KIAA1958: variants seen among roughly 807,000 people sequenced by gnomAD.
The protein encoded by KIAA1958 is uncharacterized protein KIAA1958.
Under a neutral mutation model 47.2 loss-of-function variants are expected in KIAA1958, and 14 were observed. That is an observed-to-expected ratio of 0.30 (90% CI 0.20 to 0.46). The LOEUF (loss-of-function observed/expected upper bound fraction) is 0.46, where lower values mean the gene tolerates loss of function less well. Ranked by LOEUF, KIAA1958 falls within the 20% of genes least tolerant of loss-of-function variation. The pLI, the probability that KIAA1958 is intolerant of heterozygous loss-of-function variation, is 1.00. For missense variants in KIAA1958, 803 were observed against 909.2 expected, an observed-to-expected ratio of 0.88 and a Z score of 1.50; for synonymous variants, 354 against 353.3, an observed-to-expected ratio of 1.00 and a Z score of -0.02.
chr9:112,506,490 GT>G (rs1326588684), intron 1 of KIAA1958, among the ~76,000 whole-genome samples: 1 of 152,028 alleles, frequency 6.6e-6, no homozygotes, highest in African/African-American at 2.4e-5. Flanking sequence ...ATGTTAGAAT[GT>G]TTTTTCTTCA....
At chr9:112,656,099 C>T (rs1837145791) in intron 3 of KIAA1958, among the ~76,000 whole-genome samples, 1 of 151,898 alleles carries the variant, frequency 6.6e-6, no homozygotes, top group African/African-American at 2.4e-5. Context: ...TTAGCTGGGT[C>T]CAGTGGCTCA....
At chr9:112,650,993 A>G (rs914958930) in intron 3 of KIAA1958, among the ~76,000 whole-genome samples, 13 of 152,348 alleles carry the variant, frequency 8.5e-5, no homozygotes, top group South Asian at 4.1e-4. Context: ...CATGAAGATC[A>G]TGTGTATACA....
At chr9:112,526,422 T>G (rs1227633074) in intron 1 of KIAA1958, among the ~76,000 whole-genome samples, 1 of 151,790 alleles carries the variant, frequency 6.6e-6, no homozygotes, top group East Asian at 1.9e-4. Flanking sequence ...CCCAGCTAAT[T>G]TTTGTATTTT....
chr9:112,574,811 C>A lies in KIAA1958; in HGVS notation c.731C>A (p.Pro244His), dbSNP rs756259408. 1.9e-6 allele frequency: 3 copies of A among 1,614,050 alleles called. No individual in the cohort carries two copies. The African/African-American group carries it at 4.0e-5, about 22-fold the overall frequency. The change falls in exon 2 of 4, where the codon CCC (proline) becomes CAC (histidine). Residue 244 changes from proline (P) to histidine (H), a missense_variant. Physicochemically the swap from Pro to His is moderately conservative, Grantham distance 77 (BLOSUM62 -2). Transcript: ENST00000337530. ...AKPKPQTHAG[P>H]SCVGSAKLIP... ...CCCAAGCCTCAGACTCACGCTGGTCCCTCCTGTGTAGGGTCTGCTAAACTG... is the reference window on the plus strand; with the variant it reads ...CCCAAGCCTCAGACTCACGCTGGTCACTCCTGTGTAGGGTCTGCTAAACTG...
At chr9:112,580,624 T>G (rs1441144840) in intron 2 of KIAA1958, among the ~76,000 whole-genome samples, 2 of 152,080 alleles carry the variant, frequency 1.3e-5, no homozygotes, top group Admixed American at 1.3e-4. Context: ...CCATCTCTTC[T>G]GAAAATACAA....
chr9:112,627,701 C>G (rs1266295363), intron 2 of KIAA1958, among the ~76,000 whole-genome samples: 1 of 152,224 alleles, frequency 6.6e-6, no homozygotes, highest in Non-Finnish European at 1.5e-5. Flanking sequence ...TTGTAGTGAT[C>G]TGAGATCACA....
chr9:112,518,409 C>T (rs1247416476), intron 1 of KIAA1958, among the ~76,000 whole-genome samples: 4 of 152,130 alleles, frequency 2.6e-5, no homozygotes, highest in Non-Finnish European at 5.9e-5. Flanking sequence ...TTGATACACC[C>T]AACAATATAG....
chr9:112,570,088 G>A (rs939280171), intron 1 of KIAA1958, among the ~76,000 whole-genome samples: 1 of 152,206 alleles, frequency 6.6e-6, no homozygotes, highest in Non-Finnish European at 1.5e-5. Flanking sequence ...TGAAGCATGT[G>A]CTAGTTCTTC....
intron 2 of KIAA1958, chr9:112,619,184 G>A (rs1018462106): frequency 5.5e-6 from 1 of 180,802 alleles, no homozygotes; most frequent in African/African-American, 2.4e-5. Context: ...GTGGTTCTCA[G>A]GCAACACAAA....
At chr9:112,543,056 A>G (rs888474652) in intron 1 of KIAA1958, among the ~76,000 whole-genome samples, 3 of 152,210 alleles carry the variant, frequency 2.0e-5, no homozygotes, top group Non-Finnish European at 4.4e-5. Context: ...CAGAAAAGAA[A>G]TTCTGAGGCT....
intron 2 of KIAA1958, among the ~76,000 whole-genome samples, chr9:112,621,956 G>A (rs922024629): frequency 6.6e-6 from 1 of 152,056 alleles, no homozygotes; most frequent in African/African-American, 2.4e-5. Flanking sequence ...TGCCCAGGCT[G>A]GTCTCGAACT....
intron 1 of KIAA1958, among the ~76,000 whole-genome samples, chr9:112,507,448 A>C (rs1834251200): frequency 1.3e-5 from 2 of 152,186 alleles, no homozygotes; most frequent in Non-Finnish European, 2.9e-5. Flanking sequence ...TCCTGGGCTC[A>C]AGTTATTCTT....
intron 3 of KIAA1958, among the ~76,000 whole-genome samples, chr9:112,655,343 C>CT (rs1837131379): frequency 6.6e-6 from 1 of 152,160 alleles, no homozygotes; most frequent in Non-Finnish European, 1.5e-5. Flanking sequence ...CGATGCCTCT[C>CT]TGTGTCTTCC....
chr9:112,617,974 G>A, intron 2 of KIAA1958: 1 of 1,550,518 alleles, frequency 6.4e-7, no homozygotes, highest in East Asian at 2.4e-5. Context: ...TCATCTCCAA[G>A]TATCCTTCTG....
chr9:112,563,279 G>A (rs1041281799), intron 1 of KIAA1958, among the ~76,000 whole-genome samples: 1 of 151,874 alleles, frequency 6.6e-6, no homozygotes. Flanking sequence ...CAAGACCTTC[G>A]TGATTGGAAT....
intron 1 of KIAA1958, among the ~76,000 whole-genome samples, chr9:112,489,624 A>C (rs1833928635): frequency 6.6e-6 from 1 of 152,138 alleles, no homozygotes; most frequent in Non-Finnish European, 1.5e-5. Flanking sequence ...AGGAAAGCAT[A>C]TAAATTATTT....
chr9:112,645,156 A>G (rs1836955406), intron 2 of KIAA1958, among the ~76,000 whole-genome samples: 1 of 152,104 alleles, frequency 6.6e-6, no homozygotes, highest in African/African-American at 2.4e-5. Context: ...AAAAAATGCT[A>G]ACACCATTTA....
Position 112,507,893 on chromosome 9 carries a change from G to A in KIAA1958, c.-25+20775G>A, listed in dbSNP as rs540871854. On this transcript the variant is annotated intron_variant, in intron 1 of 3. Transcript: ENST00000337530. The stretch of plus-strand genomic sequence containing the variant: ...AGCAGTCCTCCTGCCTCAGCCTCCC[G>A]AAGTGCTGAGATTATAAGTGAGATT... Among the ~76,000 whole-genome samples the A allele has an allele frequency of 1.6e-3, 241 of 151,842 alleles. 3 individuals carry two copies. Among genetic ancestry groups the A allele is most frequent in the Non-Finnish European group, 1.5e-3 (100 of 67,928 alleles).
chr9:112,612,144 A>G (rs909998271), intron 2 of KIAA1958, among the ~76,000 whole-genome samples: 4 of 152,298 alleles, frequency 2.6e-5, no homozygotes, highest in Admixed American at 6.5e-5. Flanking sequence ...AGGGTGGCTC[A>G]CACCTGTAAT....
Sources: gnomAD v4.1 joint callset for allele counts (sites outside exome capture counted in the v4.1 genomes callset) on GRCh38, gnomAD v4.1.1 for gene constraint, MANE v1.5 for transcripts, NCBI Gene and HGNC (gene_info 2026-07-23, HGNC 2026-07-21) for gene names.